PPP2R5E: variants seen among roughly 807,000 people sequenced by gnomAD.
PPP2R5E encodes the protein serine/threonine-protein phosphatase 2A 56 kDa regulatory subunit epsilon isoform.
PPP2R5E carries 4 observed loss-of-function variants against 65.3 expected under a neutral mutation model. The observed-to-expected ratio is 0.06, with a 90% CI of 0.03 to 0.14. PPP2R5E has a LOEUF of 0.14. Among genes scored for constraint, PPP2R5E ranks in the 10% least tolerant of loss-of-function variants. PPP2R5E has a pLI of 1.00. For missense variants in PPP2R5E, 274 were observed against 556.1 expected (o/e 0.49, Z 5.10); for synonymous variants, 183 against 187.4 (o/e 0.98, Z 0.19).
chr14:63,538,353 C>T (rs1384703819), intron 2 of PPP2R5E, among the ~76,000 whole-genome samples: 4 of 151,672 alleles, frequency 2.6e-5, no homozygotes, highest in East Asian at 3.9e-4. Context: ...CTCTGCCTCC[C>T]GGTTCAAGCA....
intron 3 of PPP2R5E, among the ~76,000 whole-genome samples, chr14:63,424,482 T>C (rs1477727459): frequency 6.6e-6 from 1 of 152,120 alleles, no homozygotes. Flanking sequence ...CCGGGCGCGG[T>C]GGCTCACGCC....
chr14:63,452,030 T>C (rs1888864218), intron 3 of PPP2R5E: 1 of 152,196 alleles, frequency 6.6e-6, no homozygotes, highest in African/African-American at 2.4e-5. Flanking sequence ...AAAAAGAATA[T>C]GGCAACTTTA....
chr14:63,541,786 G>C (rs983599932), intron 1 of PPP2R5E, among the ~76,000 whole-genome samples: 1 of 151,930 alleles, frequency 6.6e-6, no homozygotes. Flanking sequence ...ATATGATGTT[G>C]ACGTTTGGAA....
chr14:63,488,618 T>C (rs1468192397), intron 2 of PPP2R5E, among the ~76,000 whole-genome samples: 1 of 150,862 alleles, frequency 6.6e-6, no homozygotes, highest in Non-Finnish European at 1.5e-5. Context: ...GGAGGCTGAG[T>C]TGGGCAGATC....
chr14:63,466,743 G>A (rs1889820337), intron 2 of PPP2R5E, among the ~76,000 whole-genome samples: 1 of 152,102 alleles, frequency 6.6e-6, no homozygotes, highest in South Asian at 2.1e-4. Flanking sequence ...AAACTTACAA[G>A]TGTGTACTTA....
chr14:63,441,738 C>T (rs1052546717), intron 3 of PPP2R5E, among the ~76,000 whole-genome samples: 3 of 152,034 alleles, frequency 2.0e-5, no homozygotes, highest in Non-Finnish European at 2.9e-5. Flanking sequence ...GGTGAAACAC[C>T]GTCTCTACTA....
intron 2 of PPP2R5E, among the ~76,000 whole-genome samples, chr14:63,498,764 GA>G (rs760276652): frequency 6.6e-6 from 1 of 151,956 alleles, no homozygotes; most frequent in Non-Finnish European, 1.5e-5. Context: ...ATATACATCT[GA>G]AAACACCAGT....
chr14:63,511,398 TGTGA>T (rs1324893643), intron 2 of PPP2R5E, among the ~76,000 whole-genome samples: 4 of 152,286 alleles, frequency 2.6e-5, no homozygotes, highest in Non-Finnish European at 5.9e-5. Flanking sequence ...CCGTCATGTA[TGTGA>T]GTGAGACTAT....
At chr14:63,461,531 C>G (rs1889457730) in intron 2 of PPP2R5E, among the ~76,000 whole-genome samples, 1 of 151,808 alleles carries the variant, frequency 6.6e-6, no homozygotes, top group Admixed American at 6.6e-5. Context: ...CACGTTGGCT[C>G]CCACCCAAAA....
intron 2 of PPP2R5E, among the ~76,000 whole-genome samples, chr14:63,505,606 G>T (rs987110416): frequency 6.6e-6 from 1 of 152,142 alleles, no homozygotes; most frequent in African/African-American, 2.4e-5. Context: ...CTGCAAGCTG[G>T]AGAATCACAG....
At chr14:63,521,733 G>T (rs1034438323) in intron 2 of PPP2R5E, among the ~76,000 whole-genome samples, 4 of 152,106 alleles carry the variant, frequency 2.6e-5, no homozygotes, top group African/African-American at 9.7e-5. Context: ...TGGATGTATA[G>T]AACACCTCAC....
intron 3 of PPP2R5E, among the ~76,000 whole-genome samples, chr14:63,424,996 A>G (rs1887254292): frequency 6.6e-6 from 1 of 152,202 alleles, no homozygotes; most frequent in Non-Finnish European, 1.5e-5. Flanking sequence ...AGTGTACACT[A>G]TTACGATCCC....
chr14:63,384,225 G>C (rs1448730223), intron 12 of PPP2R5E, among the ~76,000 whole-genome samples: 2 of 152,130 alleles, frequency 1.3e-5, no homozygotes, highest in Non-Finnish European at 2.9e-5. Flanking sequence ...TACCTTCATA[G>C]ACAGATCAAG....
chr14:63,391,986 A>T lies in PPP2R5E; in HGVS notation c.889T>A (p.Ser297Thr). The stretch of plus-strand genomic sequence containing the variant: ...AAAAGACTTACTGGTTCTGTGAGTG[A>T]AGGATCTTTCTCCAGAAACTGTACT... ...CIVQFLEKDP[S>T]LTEPVIRGLM... Residue 297 changes from serine to threonine, a missense_variant, in exon 9 of 14, where the codon TCA becomes ACA. Coordinates refer to ENST00000337537, the MANE Select transcript of PPP2R5E (RefSeq NM_006246.5). 1 of 1,611,102 alleles carries T rather than the reference A, an allele frequency of 6.2e-7. No individual in the cohort carries two copies. Among genetic ancestry groups the T allele is most frequent in the Non-Finnish European group, 8.5e-7 (1 of 1,178,948 alleles).
At chr14:63,439,494 C>A (rs1028610772) in intron 3 of PPP2R5E, among the ~76,000 whole-genome samples, 6 of 152,202 alleles carry the variant, frequency 3.9e-5, no homozygotes, top group African/African-American at 1.4e-4. Flanking sequence ...CCTGCCTCAG[C>A]CTCCACAGTA....
At chr14:63,436,581 T>C (rs951266044) in intron 3 of PPP2R5E, among the ~76,000 whole-genome samples, 1 of 152,216 alleles carries the variant, frequency 6.6e-6, no homozygotes, top group Non-Finnish European at 1.5e-5. Context: ...TTAGCACATA[T>C]AACCATAGGT....
At chr14:63,481,059 G>A (rs369124399) in intron 2 of PPP2R5E, among the ~76,000 whole-genome samples, 1 of 152,278 alleles carries the variant, frequency 6.6e-6, no homozygotes. Flanking sequence ...AATAATTTTT[G>A]GTGGTAGATT....
intron 2 of PPP2R5E, among the ~76,000 whole-genome samples, chr14:63,464,985 T>C (rs955590045): frequency 2.2e-4 from 33 of 149,882 alleles, no homozygotes; most frequent in African/African-American, 7.6e-4. Context: ...ATTGTGCCAC[T>C]GCACTCCAGC....
intron 2 of PPP2R5E, among the ~76,000 whole-genome samples, chr14:63,498,339 C>T (rs114376914): frequency 5.9e-4 from 89 of 151,590 alleles, no homozygotes; most frequent in African/African-American, 2.1e-3. Context: ...GTTGACCTCT[C>T]TGTCCACTTC....
Sources: allele counts gnomAD v4.1 joint callset (sites outside exome capture counted in the v4.1 genomes callset), GRCh38; gene constraint gnomAD v4.1.1; transcripts MANE v1.5; gene names NCBI Gene and HGNC (gene_info 2026-07-23, HGNC 2026-07-21).